The following MYH7 variants were observed in gnomAD, a reference collection of about 807,000 sequenced individuals.
The protein encoded by MYH7 is myosin-7.
Under a neutral mutation model 225.4 loss-of-function variants are expected in MYH7, and 129 were observed. The observed-to-expected ratio is 0.57, with a 90% CI of 0.50 to 0.66. MYH7 has a LOEUF of 0.66. MYH7 is among the 30% of genes least tolerant of loss of function. The pLI is 0.00. For missense variants in MYH7, 1,649 were observed against 2,517.0 expected (o/e 0.66, Z 7.38); for synonymous variants, 971 against 1,007.6 (o/e 0.96, Z 0.69).
At chr14:23,424,743 A>G in intron 22 of MYH7, 26 bp downstream of exon 22, 1 of 1,613,372 alleles carries the variant, frequency 6.2e-7, no homozygotes, top group Non-Finnish European at 8.5e-7. Flanking sequence ...AGGGTGGAAG[A>G]GCCAACAGTA....
chr14:23,426,362 A>G (rs1892693359), intron 18 of MYH7, among the ~76,000 whole-genome samples: 1 of 152,240 alleles, frequency 6.6e-6, no homozygotes, highest in Admixed American at 6.5e-5. Context: ...GCCCAAGTTC[A>G]CTAAGCTGAT....
Position 23,433,311 on chromosome 14 carries a change from G to A in MYH7, c.202-84C>T, listed in dbSNP as rs1893023444. The A allele has an allele frequency of 1.3e-6, 2 of 1,593,116 alleles. No homozygotes were observed. The highest frequency in any genetic ancestry group is 1.3e-5 in the African/African-American group (1 of 74,680). ...AGGGTTAGGAGTTGGTGAGTGACAGGGCAATAGTGCTCAAGAGAGAAGGAA... is the reference window on the plus strand; with the variant it reads ...AGGGTTAGGAGTTGGTGAGTGACAGAGCAATAGTGCTCAAGAGAGAAGGAA... On this transcript the variant is annotated intron_variant, in intron 3 of 39. Transcript: ENST00000355349. This position sits in a 1 kb window ranked among gnomAD's most constrained non-coding sequence, Gnocchi z 4.1.
intron 4 of MYH7, 123 bp downstream of exon 4, chr14:23,432,961 T>C (rs1423958059): frequency 6.6e-7 from 1 of 1,523,580 alleles, no homozygotes; most frequent in African/African-American, 1.4e-5. Context: ...GAACCAAGGA[T>C]GTTGGGACGA....
chr14:23,416,750 T>A, intron 33 of MYH7, 118 bp downstream of exon 33: 2 of 1,522,124 alleles, frequency 1.3e-6, no homozygotes, highest in Non-Finnish European at 1.8e-6. Context: ...TGTGCCAGGC[T>A]CTGTCCTAGG....
chr14:23,432,994 G>C, intron 4 of MYH7, 90 bp downstream of exon 4: 1 of 1,587,944 alleles, frequency 6.3e-7, no homozygotes, highest in Non-Finnish European at 8.6e-7. Flanking sequence ...ACCCTGCCTA[G>C]ACACAAACAG....
chr14:23,414,176 G>A (rs191169011), intron 37 of MYH7, 74 bp from the exon 38 acceptor site: 862 of 1,316,360 alleles, frequency 6.5e-4, no homozygotes, highest in Non-Finnish European at 8.9e-4. Context: ...GCCCTGCCCT[G>A]CTTCATCTGA....
At chr14:23,422,508 A>G (rs926417631) in intron 24 of MYH7, among the ~76,000 whole-genome samples, 183 bp from the exon 25 acceptor site, 1 of 152,014 alleles carries the variant, frequency 6.6e-6, no homozygotes, top group Non-Finnish European at 1.5e-5. Context: ...CTGAATCAAT[A>G]TTTTATAGAT....
Position 23,428,522 on chromosome 14 carries a change from G to A in MYH7, c.1556C>T (p.Ala519Val), listed in dbSNP as rs1555338241. ...TFIDFGMDLQ[A>V]CIDLIEKPMG... ...CACCTTCTCGATGAGGTCAATGCAG[G>A]CCTGCAGGTCCATGCCAAAGTCAAT... The change falls in exon 15 of 40, where the codon GCC becomes GTC. Residue 519 changes from alanine (A) to valine (V), a missense_variant. Ala to Val is a moderately conservative substitution (Grantham distance 64, BLOSUM62 0). Around this residue, in one of 12 missense-constraint regions of MYH7, gnomAD observed 76 missense variants for 233.8 expected, o/e 0.33. Coordinates refer to ENST00000355349, the MANE Select transcript of MYH7 (RefSeq NM_000257.4). 1 of 1,614,190 alleles carries A rather than the reference G, an allele frequency of 6.2e-7. No individual in the cohort carries two copies. Among genetic ancestry groups the A allele is most frequent in the Non-Finnish European group, 8.5e-7 (1 of 1,180,038 alleles).
chr14:23,417,948 C>T (rs1555336792), intron 30 of MYH7: 2 of 865,298 alleles, frequency 2.3e-6, no homozygotes, highest in Non-Finnish European at 4.0e-6. Context: ...TCCCCACTGC[C>T]TTTCCCTGCC....
intron 17 of MYH7, 72 bp downstream of exon 17, chr14:23,427,168 G>A (rs45491592): frequency 4.2e-6 from 6 of 1,426,894 alleles, no homozygotes; most frequent in African/African-American, 1.4e-5. Context: ...GATGAACAAG[G>A]CAGGGAAGGG....
chr14:23,435,381 C>G (rs1001734779), intron 1 of MYH7, among the ~76,000 whole-genome samples: 9 of 152,068 alleles, frequency 5.9e-5, no homozygotes, highest in East Asian at 1.9e-4. Context: ...CACACACACA[C>G]ACACACACAC....
At chr14:23,421,071 A>C in intron 25 of MYH7, 23 bp from the exon 26 acceptor site, 1 of 1,595,922 alleles carries the variant, frequency 6.3e-7, no homozygotes, top group Non-Finnish European at 8.6e-7. Flanking sequence ...AGGGATGGTG[A>C]GGTAAGGGAG....
rs778347500 is a variant in MYH7, at chr14:23,417,705, C to A, written c.4170-19G>T. ...CTTCTTCCTGCCCAGGGGAGGGTGGCAGAGGGTGGGGAGGATGGAGGGTGT... is the reference window on the plus strand; with the variant it reads ...CTTCTTCCTGCCCAGGGGAGGGTGGAAGAGGGTGGGGAGGATGGAGGGTGT... On this transcript the variant is annotated intron_variant, in intron 30 of 39. Coordinates refer to ENST00000355349, the MANE Select transcript of MYH7 (RefSeq NM_000257.4). The A allele has an allele frequency of 4.3e-6, 7 of 1,612,060 alleles. No individual in the cohort carries two copies. Among genetic ancestry groups the A allele is most frequent in the Non-Finnish European group, 5.9e-6 (7 of 1,179,846 alleles).
At chr14:23,422,059 G>T in intron 25 of MYH7, 121 bp downstream of exon 25, 1 of 1,483,390 alleles carries the variant, frequency 6.7e-7, no homozygotes, top group Non-Finnish European at 9.3e-7. Flanking sequence ...TTTTCCCATG[G>T]TTTGCGCCTC....
In MYH7 at chr14:23,425,915, C is replaced by A. The variant is rs770415304; in HGVS notation, c.2162+49G>T. Reference sequence around the variant, plus strand: ...CCTGCAGATCCCATTCCCATCAGGGCAGCCTGGCTCCCCCTGTTCTATGAG... The same window carrying A: ...CCTGCAGATCCCATTCCCATCAGGGAAGCCTGGCTCCCCCTGTTCTATGAG... On this transcript the variant is annotated intron_variant, in intron 19 of 39. Coordinates refer to ENST00000355349, the MANE Select transcript of MYH7 (RefSeq NM_000257.4). This position sits in a 1 kb window ranked among gnomAD's most constrained non-coding sequence, Gnocchi z 4.6. 120 of 1,612,790 alleles carry A rather than the reference C, an allele frequency of 7.4e-5. 1 individual carries two copies. The South Asian group carries it at 1.2e-3, about 16-fold the overall frequency.
chr14:23,415,757 G>A lies in MYH7; in HGVS notation c.5029C>T (p.Arg1677Cys), dbSNP rs377461670. 1.5e-5 allele frequency: 24 copies of A among 1,614,162 alleles called. No homozygotes were observed. The highest frequency in any genetic ancestry group is 1.8e-5 in the Non-Finnish European group (21 of 1,180,038). ...LKENIAIVER[R>C]NNLLQAELEE... ...AGCTCAGCCTGCAGCAGGTTGTTGC[G>A]CCGCTCCACGATGGCGATGTTCTCC... Residue 1677 changes from arginine (R) to cysteine (C), a missense_variant, in exon 35 of 40, where the codon CGC becomes TGC. Physicochemically the swap from Arg to Cys is radical, Grantham distance 180. Transcript: ENST00000355349. This position sits in a 1 kb window ranked among gnomAD's most constrained non-coding sequence, Gnocchi z 6.3.
chr14:23,413,721 T>C, intron 39 of MYH7, 38 bp downstream of exon 39: 5 of 1,612,816 alleles, frequency 3.1e-6, no homozygotes, highest in Non-Finnish European at 4.2e-6. Flanking sequence ...GTATGCCTGC[T>C]GTGGGGGTGA....
intron 18 of MYH7, 105 bp from the exon 19 acceptor site, chr14:23,426,186 G>T: frequency 7.8e-7 from 1 of 1,280,396 alleles, no homozygotes; most frequent in Non-Finnish European, 1.1e-6. Flanking sequence ...TAGCAAGTCA[G>T]TTAGTAATAA....
chr14:23,418,445 CT>C, intron 29 of MYH7, 39 bp from the exon 30 acceptor site: 1 of 1,569,216 alleles, frequency 6.4e-7, no homozygotes, highest in South Asian at 1.2e-5. Flanking sequence ...GTTCAGCTTT[CT>C]CCATAAAGCA....
Sources: gnomAD v4.1 joint callset for allele counts (sites outside exome capture counted in the v4.1 genomes callset) on GRCh38, gnomAD v4.1.1 for gene constraint, gnomAD v4.1.1 regional missense constraint, Gnocchi (gnomAD v3.1) non-coding constraint, MANE v1.5 for transcripts, NCBI Gene and HGNC (gene_info 2026-07-23, HGNC 2026-07-21) for gene names.